Variants in LRBA observed in about 807,000 individuals in gnomAD.
LRBA encodes the protein lipopolysaccharide-responsive and beige-like anchor protein.
LRBA carries 176 observed loss-of-function variants against 330.0 expected under a neutral mutation model. The observed-to-expected ratio is 0.53, with a 90% CI of 0.47 to 0.60. LRBA has a LOEUF of 0.60. LRBA is among the 20% of genes least tolerant of loss of function. The probability of loss-of-function intolerance (pLI) is 0.00; values close to 1 mark genes in which losing one functional copy is unlikely to be tolerated. For missense variants in LRBA, 3,259 were observed against 3,444.8 expected (o/e 0.95, Z 1.35); for synonymous variants, 1,230 against 1,193.0 (o/e 1.03, Z -0.64).
At chr4:150,470,456 T>C (rs968274930) in intron 43 of LRBA, among the ~76,000 whole-genome samples, 1 of 152,160 alleles carries the variant, frequency 6.6e-6, no homozygotes, top group African/African-American at 2.4e-5. Context: ...CACTGCTTTC[T>C]GTATTATCTT....
intron 36 of LRBA, among the ~76,000 whole-genome samples, chr4:150,725,350 G>T (rs1260674690): frequency 6.6e-6 from 1 of 152,064 alleles, no homozygotes; most frequent in African/African-American, 2.4e-5. Context: ...CAAGAGAAAA[G>T]AAATCACATA....
chr4:150,743,552 A>G (rs1006416714), intron 35 of LRBA, among the ~76,000 whole-genome samples: 1 of 152,238 alleles, frequency 6.6e-6, no homozygotes, highest in Non-Finnish European at 1.5e-5. Context: ...CCAATAATCT[A>G]GAACAGGGGT....
At chr4:150,507,840 A>T (rs1255568700) in intron 40 of LRBA, among the ~76,000 whole-genome samples, 3 of 152,026 alleles carry the variant, frequency 2.0e-5, no homozygotes, top group Non-Finnish European at 2.9e-5. Context: ...ATGTCCAACA[A>T]CGACAGACTG....
At chr4:150,801,254 C>A (rs1164347276) in intron 33 of LRBA, among the ~76,000 whole-genome samples, 2 of 152,146 alleles carry the variant, frequency 1.3e-5, no homozygotes, top group Non-Finnish European at 2.9e-5. Context: ...TGAGCATTAT[C>A]TTTTAGATAA....
At chr4:150,366,161 CA>C (rs1055356611) in intron 47 of LRBA, among the ~76,000 whole-genome samples, 6 of 152,032 alleles carry the variant, frequency 3.9e-5, no homozygotes, top group African/African-American at 1.4e-4. Context: ...AAAACAGTCT[CA>C]AAGAATAAGG....
chr4:150,334,410 CTT>C (rs1734361229), intron 48 of LRBA, among the ~76,000 whole-genome samples: 1 of 151,882 alleles, frequency 6.6e-6, no homozygotes, highest in South Asian at 2.1e-4. Flanking sequence ...ACTTGAAAGA[CTT>C]AATGTTTTTA....
intron 46 of LRBA, among the ~76,000 whole-genome samples, chr4:150,424,667 G>A (rs1329520063): frequency 6.6e-6 from 1 of 152,126 alleles, no homozygotes; most frequent in Non-Finnish European, 1.5e-5. Flanking sequence ...ATGGGTACCA[G>A]GTAGACACAC....
intron 35 of LRBA, among the ~76,000 whole-genome samples, chr4:150,741,704 A>ATAACAATATGAATTTCAC (rs1421749460): frequency 6.6e-6 from 1 of 152,230 alleles, no homozygotes; most frequent in African/African-American, 2.4e-5. Context: ...AATATTATGC[A>ATAACAATATGAATTTCAC]TAACAATATG....
chr4:150,431,348 T>G (rs568212785), intron 46 of LRBA, among the ~76,000 whole-genome samples: 1 of 152,296 alleles, frequency 6.6e-6, no homozygotes, highest in East Asian at 1.9e-4. Context: ...ATCAGAAACA[T>G]CATTGTTCAA....
chr4:150,270,186 C>T (rs1167640358), intron 56 of LRBA, among the ~76,000 whole-genome samples: 2 of 152,102 alleles, frequency 1.3e-5, no homozygotes, highest in Non-Finnish European at 2.9e-5. Flanking sequence ...ACGGAATTGC[C>T]ATATAACCCA....
rs1293779252 is a variant in LRBA, at chr4:150,289,167, T to A, written c.8018-3133A>T. Among the ~76,000 whole-genome samples, 7 of 152,264 alleles carry A rather than the reference T, an allele frequency of 4.6e-5. No homozygotes were observed. The East Asian group carries it at 9.6e-4, about 21-fold the overall frequency. On this transcript the variant is annotated intron_variant, in intron 53 of 56. Coordinates refer to ENST00000651943, the MANE Select transcript of LRBA (RefSeq NM_001364905.1). The stretch of plus-strand genomic sequence containing the variant: ...ATTAACTCCAGAAGGTGGGTTAAGA[T>A]ATAAGCATTATTTTTTTTGTAAACT...
At chr4:150,518,590 G>C (rs1020529437) in intron 40 of LRBA, among the ~76,000 whole-genome samples, 1 of 152,096 alleles carries the variant, frequency 6.6e-6, no homozygotes, top group African/African-American at 2.4e-5. Flanking sequence ...AGGTTTTTGA[G>C]AATTCTTCGC....
At chr4:150,868,049 A>G in intron 21 of LRBA, 133 bp downstream of exon 21, 1 of 1,008,752 alleles carries the variant, frequency 9.9e-7, no homozygotes, top group South Asian at 1.8e-5. Context: ...GTGGTACATT[A>G]TTTACATACT....
At chr4:150,563,135 G>A (rs1020132148) in intron 40 of LRBA, among the ~76,000 whole-genome samples, 3 of 152,018 alleles carry the variant, frequency 2.0e-5, no homozygotes, top group Non-Finnish European at 2.9e-5. Flanking sequence ...ATTTGTATAT[G>A]AGCCTAGGTA....
chr4:150,812,424 C>T (rs1743872801), intron 31 of LRBA, among the ~76,000 whole-genome samples: 1 of 152,020 alleles, frequency 6.6e-6, no homozygotes, highest in Admixed American at 6.6e-5. Context: ...ATTTAAGGTC[C>T]CTGCGGGTCT....
intron 28 of LRBA, 93 bp downstream of exon 28, chr4:150,844,007 G>T: frequency 1.4e-6 from 1 of 710,864 alleles, no homozygotes; most frequent in Non-Finnish European, 2.4e-6. Flanking sequence ...TCCACTATTT[G>T]ATATCACAAA....
chr4:150,555,352 T>C (rs892621357), intron 40 of LRBA, among the ~76,000 whole-genome samples: 23 of 152,182 alleles, frequency 1.5e-4, no homozygotes, highest in African/African-American at 5.5e-4. Context: ...AATTCAAATC[T>C]ACAATCAAGT....
At chr4:151,007,733 T>C (rs1030776488) in intron 2 of LRBA, among the ~76,000 whole-genome samples, 23 of 150,922 alleles carry the variant, frequency 1.5e-4, no homozygotes, top group Non-Finnish European at 2.7e-4. Flanking sequence ...GGCGGGCGCC[T>C]GTAGTCCCAG....
intron 46 of LRBA, chr4:150,423,475 C>A (rs1749108833): frequency 3.5e-6 from 2 of 564,740 alleles, no homozygotes; most frequent in South Asian, 1.9e-5. Flanking sequence ...TCATCTGGAT[C>A]AAATCTAAGG....
Sources: allele counts gnomAD v4.1 joint callset (sites outside exome capture counted in the v4.1 genomes callset), GRCh38; gene constraint gnomAD v4.1.1; transcripts MANE v1.5; gene names NCBI Gene and HGNC (gene_info 2026-07-23, HGNC 2026-07-21).